The following DOK6 variants were observed in gnomAD, a reference collection of about 807,000 sequenced individuals.
DOK6 encodes the protein downstream of tyrosine kinase 6.
A neutral mutation model predicts 44.0 loss-of-function variants in DOK6; 22 were observed. That is an observed-to-expected ratio of 0.50 (90% CI 0.36 to 0.71). DOK6 has a LOEUF of 0.71. DOK6 is among the 30% of genes least tolerant of loss of function. The pLI is 0.00. For missense variants in DOK6, 340 were observed against 416.4 expected, an observed-to-expected ratio of 0.82 and a Z score of 1.60; for synonymous variants, 166 against 145.5, an observed-to-expected ratio of 1.14 and a Z score of -1.01.
At chr18:69,583,450 A>G (rs1983414464) in intron 2 of DOK6, among the ~76,000 whole-genome samples, 1 of 152,116 alleles carries the variant, frequency 6.6e-6, no homozygotes, top group Middle Eastern at 3.2e-3. Flanking sequence ...CACTAGACTC[A>G]CTTTAGTTTT....
chr18:69,500,912 T>C (rs867508159), intron 1 of DOK6, among the ~76,000 whole-genome samples: 7 of 152,164 alleles, frequency 4.6e-5, no homozygotes, highest in African/African-American at 1.7e-4. Context: ...TATAAACACA[T>C]GTATTTTGGA....
At chr18:69,771,671 T>A (rs1357448490) in intron 7 of DOK6, among the ~76,000 whole-genome samples, 3 of 152,006 alleles carry the variant, frequency 2.0e-5, no homozygotes. Context: ...TCTTATTTTT[T>A]AAAAAGGCAC....
chr18:69,634,594 C>T (rs960626175), intron 3 of DOK6, among the ~76,000 whole-genome samples: 1 of 152,092 alleles, frequency 6.6e-6, no homozygotes, highest in Admixed American at 6.6e-5. Context: ...AATTTTCATT[C>T]ACCAGAAATA....
At chr18:69,521,509 T>A (rs1254435485) in intron 1 of DOK6, among the ~76,000 whole-genome samples, 1 of 151,270 alleles carries the variant, frequency 6.6e-6, no homozygotes, top group Non-Finnish European at 1.5e-5. Context: ...GAAAGGATAG[T>A]TCAGTTTTAA....
intron 5 of DOK6, among the ~76,000 whole-genome samples, chr18:69,699,611 C>A (rs2144704114): frequency 6.6e-6 from 1 of 152,268 alleles, no homozygotes; most frequent in Admixed American, 6.5e-5. Context: ...TAGTTATGAG[C>A]TTGTTCAACT....
chr18:69,582,641 A>G (rs1206998216), intron 2 of DOK6, among the ~76,000 whole-genome samples: 4 of 152,160 alleles, frequency 2.6e-5, no homozygotes, highest in African/African-American at 9.6e-5. Context: ...TATTTGATTA[A>G]TCTGTTTTAT....
At chr18:69,504,668 G>A (rs894617621) in intron 1 of DOK6, among the ~76,000 whole-genome samples, 1 of 151,994 alleles carries the variant, frequency 6.6e-6, no homozygotes, top group Non-Finnish European at 1.5e-5. Flanking sequence ...TTCAATAAAA[G>A]TGACATTTTT....
intron 2 of DOK6, 30 bp downstream of exon 2, chr18:69,564,624 A>C: frequency 6.5e-7 from 1 of 1,546,410 alleles, no homozygotes; most frequent in South Asian, 1.2e-5. Context: ...GTCCCTGGGG[A>C]ATAACTGGGC....
intron 1 of DOK6, among the ~76,000 whole-genome samples, chr18:69,562,151 T>C (rs151112106): frequency 8.4e-4 from 128 of 152,302 alleles, no homozygotes; most frequent in Middle Eastern, 3.4e-3. Flanking sequence ...TTTAAACATA[T>C]CTGTTGAGGG....
intron 7 of DOK6, among the ~76,000 whole-genome samples, chr18:69,765,350 C>A (rs1160165495): frequency 6.6e-6 from 1 of 152,134 alleles, no homozygotes; most frequent in Non-Finnish European, 1.5e-5. Context: ...GTCTATTAAA[C>A]CTTATTTATA....
intron 3 of DOK6, among the ~76,000 whole-genome samples, chr18:69,627,675 T>C (rs1984589845): frequency 1.3e-5 from 2 of 152,080 alleles, no homozygotes; most frequent in Admixed American, 6.6e-5. Context: ...GGTCTCGATC[T>C]CCTGACCTTG....
At chr18:69,623,201 A>G (rs1984482967) in intron 3 of DOK6, among the ~76,000 whole-genome samples, 1 of 152,054 alleles carries the variant, frequency 6.6e-6, no homozygotes. Context: ...TTCTGTCATT[A>G]TTGTAAGTTT....
chr18:69,527,938 C>T lies in DOK6; in HGVS notation c.67-36549C>T, dbSNP rs960689587. Among the ~76,000 whole-genome samples the T allele has an allele frequency of 6.6e-5, 10 of 151,962 alleles. 1 individual carries two copies. The highest frequency in any genetic ancestry group is 4.2e-4 in the South Asian group (2 of 4,816). The stretch of plus-strand genomic sequence containing the variant: ...AGCAATGCTGGGAGGCCAAGGCGGG[C>T]GGATCACGAGGTCAGGAGATCGATA... On this transcript the variant is annotated intron_variant, in intron 1 of 7. Coordinates refer to ENST00000382713, the MANE Select transcript of DOK6 (RefSeq NM_152721.6).
intron 3 of DOK6, among the ~76,000 whole-genome samples, chr18:69,627,737 C>T (rs1318864427): frequency 1.3e-5 from 2 of 152,144 alleles, no homozygotes; most frequent in Non-Finnish European, 2.9e-5. Context: ...GGCGTGACCA[C>T]CATGCCTGGC....
intron 1 of DOK6, among the ~76,000 whole-genome samples, chr18:69,460,133 G>A (rs555487089): frequency 2.0e-5 from 3 of 152,174 alleles, no homozygotes; most frequent in South Asian, 4.2e-4. Flanking sequence ...CAATATATAA[G>A]GGATATAAGG....
chr18:69,619,833 G>T (rs531561008), intron 3 of DOK6, among the ~76,000 whole-genome samples: 2 of 151,986 alleles, frequency 1.3e-5, no homozygotes, highest in Non-Finnish European at 2.9e-5. Context: ...ACATACACAC[G>T]CACACATATG....
chr18:69,833,223 C>T lies in DOK6; in HGVS notation c.857-8021C>T, dbSNP rs370383472. On this transcript the variant is annotated intron_variant, in intron 7 of 7. Coordinates refer to ENST00000382713, the MANE Select transcript of DOK6 (RefSeq NM_152721.6). ...ACTGGCAAAAAACAGAAACACAGAA[C>T]AATGGAAAGAGTTGAGGACCCAGAC... 1.5e-3 allele frequency among the ~76,000 whole-genome samples: 232 copies of T among 152,140 alleles called. 2 individuals carry two copies. The highest frequency in any genetic ancestry group is 1.4e-3 in the Non-Finnish European group (96 of 67,932).
chr18:69,555,904 T>C (rs889098705), intron 1 of DOK6, among the ~76,000 whole-genome samples: 1 of 152,164 alleles, frequency 6.6e-6, no homozygotes, highest in African/African-American at 2.4e-5. Context: ...CAAAACACGT[T>C]ATTGTGGCCT....
chr18:69,566,231 G>C (rs542145930), intron 2 of DOK6, among the ~76,000 whole-genome samples: 5 of 152,168 alleles, frequency 3.3e-5, no homozygotes, highest in Admixed American at 2.6e-4. Flanking sequence ...TCCGCCTTCG[G>C]GTTCACACCA....
Sources: gnomAD v4.1 joint callset for allele counts (sites outside exome capture counted in the v4.1 genomes callset) on GRCh38, gnomAD v4.1.1 for gene constraint, MANE v1.5 for transcripts, NCBI Gene and HGNC (gene_info 2026-07-23, HGNC 2026-07-21) for gene names.